The following KLF6 variants were observed in gnomAD, a reference collection of about 807,000 sequenced individuals.
KLF6 encodes KLF transcription factor 6, also known as Krueppel-like factor 6.
For missense variants in KLF6, 233 were observed against 359.8 expected, an observed-to-expected ratio of 0.65 and a Z score of 2.85; for synonymous variants, 152 against 147.9, an observed-to-expected ratio of 1.03 and a Z score of -0.20.
In KLF6 at chr10:3,780,187, C is replaced by T; in HGVS notation, c.719G>A (p.Arg240His). The change falls in exon 3 of 4, where the codon CGT becomes CAT. Residue 240 changes from arginine (R) to histidine (H), a missense_variant. Transcript: ENST00000497571. The surrounding 1 kb of genome is among the most constrained non-coding windows in gnomAD (Gnocchi z 4.6). ...YRCSWEGCEW[R>H]FARSDELTRH... The stretch of plus-strand genomic sequence containing the variant: ...GGTTAACTCATCACTTCTTGCAAAA[C>T]GCCACTCACACCCTTCCCATGAGCA... The T allele has an allele frequency of 1.2e-6, 2 of 1,614,162 alleles. No homozygotes were observed. Among genetic ancestry groups the T allele is most frequent in the Non-Finnish European group, 8.5e-7 (1 of 1,180,014 alleles).
rs1588343325 is a variant in KLF6 at position 3,781,347 on chromosome 10, A to G, written c.676+294T>C. On this transcript the variant is annotated intron_variant, in intron 2 of 3. Transcript: ENST00000497571. This position sits in a 1 kb window ranked among gnomAD's most constrained non-coding sequence, Gnocchi z 5.8. ...GAAGGGGCAGTGGCCTCGGATCCCCAGCACTACTAAGGGGTGGGGGGTGGA... is the reference window on the plus strand; with the variant it reads ...GAAGGGGCAGTGGCCTCGGATCCCCGGCACTACTAAGGGGTGGGGGGTGGA... The G allele has an allele frequency of 7.5e-7, 1 of 1,340,412 alleles. No individual in the cohort carries two copies. Among genetic ancestry groups the G allele is most frequent in the Non-Finnish European group, 9.9e-7 (1 of 1,011,266 alleles). 83.0% of individuals were successfully genotyped at this position (1,340,412 alleles called of 1,614,324 possible). A position where few individuals can be genotyped will look rare whatever the true frequency, so the allele number is the denominator to read the frequency against.
Position 3,778,497 on chromosome 10 carries a change from C to A in KLF6, c.*1042G>T. 1 of 524,198 alleles carries A rather than the reference C, an allele frequency of 1.9e-6. No individual in the cohort carries two copies. The highest frequency in any genetic ancestry group is 3.7e-6 in the Non-Finnish European group (1 of 269,980). 32.5% of individuals were successfully genotyped at this position (524,198 alleles called of 1,614,324 possible). ...AGCCCCAGCTTTGTGACACTCAATA[C>A]GTGTCCAATTTCTTCTAAGGGCATC... On this transcript the variant is annotated 3_prime_UTR_variant, in exon 4 of 4. Coordinates refer to ENST00000497571, the MANE Select transcript of KLF6 (RefSeq NM_001300.6).
Position 3,776,325 on chromosome 10 carries a change from T to A in KLF6, c.*3214A>T, listed in dbSNP as rs1013622218. ...ACAGCCGGGGGGTTGTTTTTGTCAG[T>A]CCTTGGAGAAGAGTATTTGATGCAT... On this transcript the variant is annotated 3_prime_UTR_variant, in exon 4 of 4. Coordinates refer to ENST00000497571, the MANE Select transcript of KLF6 (RefSeq NM_001300.6). 6 of 532,710 alleles carry A rather than the reference T, an allele frequency of 1.1e-5. No individual in the cohort carries two copies. The highest frequency in any genetic ancestry group is 1.8e-5 in the Non-Finnish European group (5 of 275,442). The allele number at this position is 532,710 out of a possible 1,614,324, so 33.0% of individuals were successfully genotyped here.
rs1018277487 is a variant in KLF6 at position 3,784,354 on chromosome 10, T to C, written c.102+559A>G. Among the ~76,000 whole-genome samples the C allele has an allele frequency of 3.3e-5, 5 of 152,264 alleles. No homozygotes were observed. In the South Asian group the frequency reaches 1.0e-3, roughly 32 times the overall value. On this transcript the variant is annotated intron_variant, in intron 1 of 3. Transcript: ENST00000497571. Reference sequence around the variant, plus strand: ...ACTGGGGTGTACACAGTTTTATTTTTATTTTTCTTGGTCAACAAGAGAAGC... The same window carrying C: ...ACTGGGGTGTACACAGTTTTATTTTCATTTTTCTTGGTCAACAAGAGAAGC...
At position 3,776,526 on chromosome 10, in the gene KLF6, C is replaced by G. The variant is rs1317287523; in HGVS notation, c.*3013G>C. 5.7e-6 allele frequency: 3 copies of G among 527,652 alleles called. No individual in the cohort carries two copies. The East Asian group carries it at 1.2e-4, about 21-fold the overall frequency. 32.7% of individuals were successfully genotyped at this position (527,652 alleles called of 1,614,324 possible). A position where few individuals can be genotyped will look rare whatever the true frequency, so the allele number is the denominator to read the frequency against. On this transcript the variant is annotated 3_prime_UTR_variant, in exon 4 of 4. Transcript: ENST00000497571. The stretch of plus-strand genomic sequence containing the variant: ...GGAATCTGTTCCAACAACCCCCTTC[C>G]CCCAAAAAAAACAACCAGACTCAAG...
In KLF6 at chr10:3,785,045, G is replaced by C. The variant is rs761625871; in HGVS notation, c.-31C>G. On this transcript the variant is annotated 5_prime_UTR_variant, in exon 1 of 4. Coordinates refer to ENST00000497571, the MANE Select transcript of KLF6 (RefSeq NM_001300.6). ...GCCGGGTTGGACGGAGCCCGCGGTC[G>C]CGAGGGCGGCGAGGCGCGCGGTGGG... 8 of 1,609,458 alleles carry C rather than the reference G, an allele frequency of 5.0e-6. No homozygotes were observed. The highest frequency in any genetic ancestry group is 6.8e-6 in the Non-Finnish European group (8 of 1,178,260).
rs769806292 is a variant in KLF6 at position 3,781,820 on chromosome 10, G to A, written c.497C>T (p.Pro166Leu). 6.2e-7 allele frequency: 1 copy of A among 1,614,222 alleles called. No homozygotes were observed. The highest frequency in any genetic ancestry group is 8.5e-7 in the Non-Finnish European group (1 of 1,180,036). ...REPSQLWGCV[P>L]GELPSPGKVR... ...CTTCCCTGGCGAGGGCAGCTCCCCG[G>A]GCACGCAACCCCACAGTTGAGAAGG... Residue 166 changes from proline to leucine, a missense_variant, in exon 2 of 4, where the codon CCC (proline) becomes CTC (leucine). Coordinates refer to ENST00000497571, the MANE Select transcript of KLF6 (RefSeq NM_001300.6). This position sits in a 1 kb window ranked among gnomAD's most constrained non-coding sequence, Gnocchi z 5.8.
At position 3,784,893 on chromosome 10, in the gene KLF6, C is replaced by G; in HGVS notation, c.102+20G>C. On this transcript the variant is annotated intron_variant, in intron 1 of 3. Transcript: ENST00000497571. ...CCCGCGCCCCGGCGCCCGCAGGGAA[C>G]CGCGGCCGGCTGCGTTTACCTGTTG... 5.0e-6 allele frequency: 8 copies of G among 1,591,542 alleles called. No homozygotes were observed. Among genetic ancestry groups the G allele is most frequent in the Non-Finnish European group, 6.8e-6 (8 of 1,169,600 alleles).
At chr10:3,784,846 G>C in intron 1 of KLF6, 67 bp downstream of exon 1, 5 of 1,499,150 alleles carry the variant, frequency 3.3e-6, no homozygotes, top group Non-Finnish European at 4.5e-6. Context: ...CACCGGGTCT[G>C]AACCCCAAAC....
Position 3,785,060 on chromosome 10 carries a change from C to G in KLF6, c.-46G>C. On this transcript the variant is annotated 5_prime_UTR_variant, in exon 1 of 4. Transcript: ENST00000497571. Reference sequence around the variant, plus strand: ...GCCCGCGGTCGCGAGGGCGGCGAGGCGCGCGGTGGGAGCCGGAGCCGAAAG... The same window carrying G: ...GCCCGCGGTCGCGAGGGCGGCGAGGGGCGCGGTGGGAGCCGGAGCCGAAAG... The G allele has an allele frequency of 6.2e-7, 1 of 1,607,728 alleles. No homozygotes were observed. Among genetic ancestry groups the G allele is most frequent in the Non-Finnish European group, 8.5e-7 (1 of 1,177,686 alleles).
chr10:3,784,864 C>T, intron 1 of KLF6, 49 bp downstream of exon 1: 3 of 1,566,526 alleles, frequency 1.9e-6, no homozygotes, highest in Non-Finnish European at 2.6e-6. Flanking sequence ...AACAGCCGAC[C>T]CGGCCCGCGC....
In KLF6 at chr10:3,781,994, ACAT is replaced by A. The variant is rs756484053; in HGVS notation, c.320_322del (p.Asp107del). 1 of 1,614,206 alleles carries A rather than the reference ACAT, an allele frequency of 6.2e-7. No homozygotes were observed. Among genetic ancestry groups the A allele is most frequent in the Non-Finnish European group, 8.5e-7 (1 of 1,180,028 alleles). ...GGAGCTGTCAGAGGATTCGCTGCTG[ACAT>A]CTGAGTTCAGGCTGTTGGTCTCTAA... is the stretch of plus-strand genomic sequence containing the variant. On this transcript the variant is annotated inframe_deletion, in exon 2 of 4. Transcript: ENST00000497571. The surrounding 1 kb of genome is among the most constrained non-coding windows in gnomAD (Gnocchi z 5.8).
Position 3,776,327 on chromosome 10 carries a change from C to T in KLF6, c.*3212G>A. On this transcript the variant is annotated 3_prime_UTR_variant, in exon 4 of 4. Transcript: ENST00000497571. ...AGCCGGGGGGTTGTTTTTGTCAGTC[C>T]TTGGAGAAGAGTATTTGATGCATTC... The T allele has an allele frequency of 1.9e-6, 1 of 532,796 alleles. No individual in the cohort carries two copies. The highest frequency in any genetic ancestry group is 3.6e-6 in the Non-Finnish European group (1 of 275,458). The allele number at this position is 532,796 out of a possible 1,614,324, so 33.0% of individuals were successfully genotyped here. A position where few individuals can be genotyped will look rare whatever the true frequency, so the allele number is the denominator to read the frequency against.
At position 3,782,730 on chromosome 10, in the gene KLF6, G is replaced by C. The variant is rs1832559614; in HGVS notation, c.103-516C>G. Reference sequence around the variant, plus strand: ...TTCTGAGGGACCCCCTTGGGGACACGGCTGACAACACAGGGCCACACTCGG... The same window carrying C: ...TTCTGAGGGACCCCCTTGGGGACACCGCTGACAACACAGGGCCACACTCGG... On this transcript the variant is annotated intron_variant, in intron 1 of 3. Coordinates refer to ENST00000497571, the MANE Select transcript of KLF6 (RefSeq NM_001300.6). This position sits in a 1 kb window ranked among gnomAD's most constrained non-coding sequence, Gnocchi z 4.3. 6.6e-6 allele frequency among the ~76,000 whole-genome samples: 1 copy of C among 152,196 alleles called. No homozygotes were observed. The highest frequency in any genetic ancestry group is 2.1e-4 in the South Asian group (1 of 4,834).
At position 3,785,035 on chromosome 10, in the gene KLF6, G is replaced by A. The variant is rs769948382; in HGVS notation, c.-21C>T. The stretch of plus-strand genomic sequence containing the variant: ...TCCATGTCGGGCCGGGTTGGACGGA[G>A]CCCGCGGTCGCGAGGGCGGCGAGGC... On this transcript the variant is annotated 5_prime_UTR_variant, in exon 1 of 4. Transcript: ENST00000497571. 44 of 1,610,848 alleles carry A rather than the reference G, an allele frequency of 2.7e-5. No individual in the cohort carries two copies. Among genetic ancestry groups the A allele is most frequent in the Non-Finnish European group, 3.5e-5 (41 of 1,178,612 alleles).
chr10:3,778,350 G>C lies in KLF6; in HGVS notation c.*1189C>G. 1 of 524,306 alleles carries C rather than the reference G, an allele frequency of 1.9e-6. No individual in the cohort carries two copies. The highest frequency in any genetic ancestry group is 2.2e-5 in the Admixed American group (1 of 44,672). The allele number at this position is 524,306 out of a possible 1,614,324, so 32.5% of individuals were successfully genotyped here. A position where few individuals can be genotyped will look rare whatever the true frequency, so the allele number is the denominator to read the frequency against. The stretch of plus-strand genomic sequence containing the variant: ...AGAAAACCAGAAATTAGTCCTCAAG[G>C]CATAAATAAGAGAAACATAGCTGCA... On this transcript the variant is annotated 3_prime_UTR_variant, in exon 4 of 4. Transcript: ENST00000497571.
chr10:3,777,880 T>C lies in KLF6; in HGVS notation c.*1659A>G, dbSNP rs887648277. The C allele has an allele frequency of 5.7e-5, 28 of 487,594 alleles. No homozygotes were observed. The highest frequency in any genetic ancestry group is 2.4e-4 in the South Asian group (15 of 63,282). 30.2% of individuals were successfully genotyped at this position (487,594 alleles called of 1,614,324 possible). ...TTACCAACAGATAGCTAGACAGATA[T>C]GTGAAACTTGTGCCTTTTAAGCAAA... On this transcript the variant is annotated 3_prime_UTR_variant, in exon 4 of 4. Coordinates refer to ENST00000497571, the MANE Select transcript of KLF6 (RefSeq NM_001300.6).
In KLF6 at chr10:3,781,458, A is replaced by T; in HGVS notation, c.676+183T>A. The T allele has an allele frequency of 1.3e-6, 2 of 1,537,086 alleles. No individual in the cohort carries two copies. The highest frequency in any genetic ancestry group is 1.8e-6 in the Non-Finnish European group (2 of 1,141,548). ...ACACATTTATCCAACTCAAAAGTCC[A>T]GTCTTTAGGATTCTACTCTGAACTC... On this transcript the variant is annotated intron_variant, in intron 2 of 3. Transcript: ENST00000497571. This position sits in a 1 kb window ranked among gnomAD's most constrained non-coding sequence, Gnocchi z 5.8.
rs1407020006 is a variant in KLF6, at chr10:3,779,235, A to G, written c.*304T>C. 1 of 583,990 alleles carries G rather than the reference A, an allele frequency of 1.7e-6. No homozygotes were observed. Among genetic ancestry groups the G allele is most frequent in the Non-Finnish European group, 3.2e-6 (1 of 309,518 alleles). The allele number at this position is 583,990 out of a possible 1,614,324, so 36.2% of individuals were successfully genotyped here. On this transcript the variant is annotated 3_prime_UTR_variant, in exon 4 of 4. Coordinates refer to ENST00000497571, the MANE Select transcript of KLF6 (RefSeq NM_001300.6). ...ATCATACGGTCAGTAATAGATCCTC[A>G]ACATACAATCAACCCAACCATTAGC...
Sources: allele counts gnomAD v4.1 joint callset (sites outside exome capture counted in the v4.1 genomes callset), GRCh38; gene constraint gnomAD v4.1.1; non-coding constraint Gnocchi (gnomAD v3.1); transcripts MANE v1.5; gene names NCBI Gene and HGNC (gene_info 2026-07-23, HGNC 2026-07-21).